Variants in ERBIN observed in about 807,000 individuals in gnomAD.
ERBIN encodes the protein densin-180-like protein.
ERBIN carries 60 observed loss-of-function variants against 158.4 expected under a neutral mutation model. That is an observed-to-expected ratio of 0.38 (90% CI 0.31 to 0.47). ERBIN has a LOEUF of 0.47. Among genes scored for constraint, ERBIN ranks in the 20% least tolerant of loss-of-function variants. ERBIN has a pLI of 0.99. For synonymous variants in ERBIN, 594 were observed against 557.2 expected (o/e 1.07, Z -0.93); for missense variants, 1,610 against 1,648.0 (o/e 0.98, Z 0.40).
intron 1 of ERBIN, among the ~76,000 whole-genome samples, chr5:65,977,551 A>G (rs1169505386): frequency 1.7e-4 from 25 of 144,970 alleles, no homozygotes; most frequent in Admixed American, 1.6e-3. Flanking sequence ...CCCACATCTC[A>G]GACGATGGGC....
chr5:65,950,079 C>A (rs1156259607), intron 1 of ERBIN, among the ~76,000 whole-genome samples: 1 of 152,164 alleles, frequency 6.6e-6, no homozygotes, highest in Non-Finnish European at 1.5e-5. Context: ...GATCTCTGCT[C>A]ACTGCAGCCT....
At chr5:66,033,134 T>C (rs904470852) in intron 14 of ERBIN, among the ~76,000 whole-genome samples, 1 of 152,150 alleles carries the variant, frequency 6.6e-6, no homozygotes, top group Non-Finnish European at 1.5e-5. Flanking sequence ...TCAAAATTGC[T>C]CCTGAAGGCT....
chr5:66,024,399 C>G lies in ERBIN; in HGVS notation c.766C>G (p.Gln256Glu), dbSNP rs764853563. ...EEGISTCENL[Q>E]DLLLSSNSLQ... Reference sequence around the variant, plus strand: ...AGGAATTTCAACATGTGAAAACCTTCAAGACCTCCTATTATCAAGCAATTC... The same window carrying G: ...AGGAATTTCAACATGTGAAAACCTTGAAGACCTCCTATTATCAAGCAATTC... Residue 256 changes from glutamine to glutamate, a missense_variant, in exon 10 of 26, where the codon CAA becomes GAA. Physicochemically the swap from Gln to Glu is conservative, Grantham distance 29. Transcript: ENST00000284037. The G allele has an allele frequency of 6.2e-7, 1 of 1,607,162 alleles. No homozygotes were observed. Among genetic ancestry groups the G allele is most frequent in the South Asian group, 1.1e-5 (1 of 89,114 alleles).
intron 16 of ERBIN, among the ~76,000 whole-genome samples, chr5:66,043,476 T>A (rs928557725): frequency 3.3e-5 from 5 of 152,144 alleles, no homozygotes; most frequent in Non-Finnish European, 7.4e-5. Context: ...TTATTTCAAA[T>A]TAGTACCCTT....
At chr5:66,077,664 G>A (rs1017329007) in intron 25 of ERBIN, among the ~76,000 whole-genome samples, 1 of 151,718 alleles carries the variant, frequency 6.6e-6, no homozygotes, top group Non-Finnish European at 1.5e-5. Context: ...ACAAACACCA[G>A]TATTACATCA....
At chr5:65,938,677 C>CA (rs1187632731) in intron 1 of ERBIN, among the ~76,000 whole-genome samples, 1 of 152,102 alleles carries the variant, frequency 6.6e-6, no homozygotes, top group Non-Finnish European at 1.5e-5. Context: ...CTCAGCCTTC[C>CA]AAGTAGCTGG....
intron 21 of ERBIN, among the ~76,000 whole-genome samples, chr5:66,069,874 T>G (rs867503501): frequency 2.0e-5 from 3 of 152,288 alleles, no homozygotes; most frequent in African/African-American, 2.4e-5. Context: ...TCCCTGGCTT[T>G]CTTCTGGTGT....
At chr5:66,048,540 C>T (rs768333581) in intron 18 of ERBIN, 127 bp from the exon 19 acceptor site, 18 of 625,900 alleles carry the variant, frequency 2.9e-5, no homozygotes, top group Non-Finnish European at 4.5e-5. Flanking sequence ...ATTTTATTGC[C>T]GTATCTTGAA....
intron 25 of ERBIN, among the ~76,000 whole-genome samples, chr5:66,077,777 CACACACACACACACACAT>C (rs1274041618): frequency 6.2e-5 from 8 of 129,000 alleles, no homozygotes; most frequent in Non-Finnish European, 1.0e-4. Context: ...CACACACACA[CACACACACACACACACAT>C]ACACACACAC....
At chr5:66,044,095 G>A (rs1239948523) in intron 16 of ERBIN, 42 bp from the exon 17 acceptor site, 1 of 1,393,588 alleles carries the variant, frequency 7.2e-7, no homozygotes, top group Admixed American at 2.5e-5. Context: ...ATTGACATTA[G>A]AAATATTTGT....
chr5:66,007,911 T>C (rs188135932), intron 4 of ERBIN, among the ~76,000 whole-genome samples: 47 of 152,306 alleles, frequency 3.1e-4, no homozygotes, highest in Middle Eastern at 3.4e-3. Flanking sequence ...AACCTACAAA[T>C]GTATGTGGTA....
intron 21 of ERBIN, among the ~76,000 whole-genome samples, chr5:66,069,316 T>C (rs928680087): frequency 1.3e-5 from 2 of 152,246 alleles, no homozygotes; most frequent in Middle Eastern, 3.2e-3. Flanking sequence ...TGTTTTCTCT[T>C]AATATTAAAC....
At chr5:66,041,574 A>T (rs943696095) in intron 15 of ERBIN, among the ~76,000 whole-genome samples, 1 of 152,034 alleles carries the variant, frequency 6.6e-6, no homozygotes, top group Non-Finnish European at 1.5e-5. Context: ...TATACTAAAG[A>T]GTAGAAAGTG....
At chr5:65,983,297 ATTTC>A (rs1750847422) in intron 1 of ERBIN, among the ~76,000 whole-genome samples, 1 of 151,870 alleles carries the variant, frequency 6.6e-6, no homozygotes. Flanking sequence ...TCTTTTCCTT[ATTTC>A]TTGTATATGT....
chr5:66,054,136 A>C lies in ERBIN; in HGVS notation c.2818A>C (p.Thr940Pro). ...CTCATCTTCTGATTTAATATCAGGA[A>C]CAAAGGCAATTTTCAAGTTTGATTC... ...SSSSSDLISG[T>P]KAIFKFDSNH... is the part of the protein sequence containing the mutation. Residue 940 changes from threonine (T) to proline (P), a missense_variant, in exon 21 of 26, where the codon ACA (threonine) becomes CCA (proline). Around this residue, in one of 2 missense-constraint regions of ERBIN, gnomAD observed 1,014 missense variants for 936.1 expected, o/e 1.08. Transcript: ENST00000284037. 3 of 1,614,216 alleles carry C rather than the reference A, an allele frequency of 1.9e-6. No individual in the cohort carries two copies. Among genetic ancestry groups the C allele is most frequent in the Non-Finnish European group, 2.5e-6 (3 of 1,180,038 alleles).
intron 21 of ERBIN, among the ~76,000 whole-genome samples, chr5:66,065,961 A>G (rs1355048513): frequency 6.6e-6 from 1 of 152,158 alleles, no homozygotes; most frequent in Non-Finnish European, 1.5e-5. Context: ...AATTTTATTC[A>G]GTAAAAATAA....
chr5:66,028,709 G>A (rs1001395257), intron 14 of ERBIN, among the ~76,000 whole-genome samples: 3 of 152,070 alleles, frequency 2.0e-5, no homozygotes, highest in Non-Finnish European at 4.4e-5. Flanking sequence ...GTTATTAACT[G>A]TAGTCACCAT....
intron 21 of ERBIN, among the ~76,000 whole-genome samples, chr5:66,071,193 C>T (rs1349411495): frequency 6.6e-6 from 1 of 152,022 alleles, no homozygotes; most frequent in Non-Finnish European, 1.5e-5. Context: ...GCCTCTTCCC[C>T]CTCCCCGCCT....
Position 66,080,452 on chromosome 5 carries a change from T to C in ERBIN, c.*1922T>C, listed in dbSNP as rs1762336052. 1 of 152,000 alleles carries C rather than the reference T, an allele frequency of 6.6e-6. No individual in the cohort carries two copies. The highest frequency in any genetic ancestry group is 6.6e-5 in the Admixed American group (1 of 15,240). 9.4% of individuals were successfully genotyped at this position (152,000 alleles called of 1,614,324 possible). ...GAAATGTGCTGTATTTTGATAAAAT[T>C]CACTTATTGTATGTGTGTTGTAATC... On this transcript the variant is annotated 3_prime_UTR_variant, in exon 26 of 26. Transcript: ENST00000284037.
Sources: gnomAD v4.1 joint callset for allele counts (sites outside exome capture counted in the v4.1 genomes callset) on GRCh38, gnomAD v4.1.1 for gene constraint, gnomAD v4.1.1 regional missense constraint, MANE v1.5 for transcripts, NCBI Gene and HGNC (gene_info 2026-07-23, HGNC 2026-07-21) for gene names.